KIAA1328: variants seen among roughly 807,000 people sequenced by gnomAD.
KIAA1328 encodes the protein KIAA1328, also known as protein hinderin.
A neutral mutation model predicts 68.1 loss-of-function variants in KIAA1328; 52 were observed. The ratio of observed to expected loss-of-function variants is 0.76; its 90% CI spans 0.61 to 0.96. The LOEUF (loss-of-function observed/expected upper bound fraction) is 0.96, where lower values mean the gene tolerates loss of function less well. Ranked by LOEUF, KIAA1328 falls within the 40% of genes least tolerant of loss-of-function variation. The pLI, the probability that KIAA1328 is intolerant of heterozygous loss-of-function variation, is 0.00. For missense variants in KIAA1328, 641 were observed against 677.6 expected (o/e 0.95, Z 0.60); for synonymous variants, 232 against 239.4 (o/e 0.97, Z 0.28).
At chr18:36,883,898 A>ACCAAAT (rs2048401832) in intron 4 of KIAA1328, among the ~76,000 whole-genome samples, 1 of 148,454 alleles carries the variant, frequency 6.7e-6, no homozygotes, top group Non-Finnish European at 1.5e-5. Flanking sequence ...TTGTTCCGTG[A>ACCAAAT]CCAAATGTTT....
rs528690475 is a variant in KIAA1328 at position 37,047,849 on chromosome 18, C to G, written c.577-19041C>G. On this transcript the variant is annotated intron_variant, in intron 6 of 9. Coordinates refer to ENST00000280020, the MANE Select transcript of KIAA1328 (RefSeq NM_020776.3). Reference sequence around the variant, plus strand: ...GCCTGGCACCTAGCACAGTATCCGGCAGATACTTTCAGATCCCCATCCTGC... The same window carrying G: ...GCCTGGCACCTAGCACAGTATCCGGGAGATACTTTCAGATCCCCATCCTGC... Among the ~76,000 whole-genome samples the G allele has an allele frequency of 2.6e-5, 4 of 152,246 alleles. No homozygotes were observed. The East Asian group carries it at 7.7e-4, about 29-fold the overall frequency.
intron 3 of KIAA1328, among the ~76,000 whole-genome samples, chr18:36,836,927 T>C (rs1236116943): frequency 6.6e-6 from 1 of 152,164 alleles, no homozygotes; most frequent in Non-Finnish European, 1.5e-5. Context: ...TTTAGCATAA[T>C]GATTTCAAGG....
intron 5 of KIAA1328, among the ~76,000 whole-genome samples, chr18:36,928,852 A>C (rs977708265): frequency 2.0e-5 from 3 of 152,062 alleles, no homozygotes; most frequent in African/African-American, 7.2e-5. Context: ...TGAAAATCCA[A>C]CTATATGTTT....
intron 6 of KIAA1328, among the ~76,000 whole-genome samples, chr18:37,036,226 T>C (rs762555372): frequency 4.6e-5 from 7 of 152,246 alleles, no homozygotes; most frequent in Non-Finnish European, 1.0e-4. Context: ...TTCTGGAGCA[T>C]TGAAAGGTAA....
At chr18:36,906,414 G>T (rs149434473) in intron 5 of KIAA1328, among the ~76,000 whole-genome samples, 1 of 152,070 alleles carries the variant, frequency 6.6e-6, no homozygotes, top group Non-Finnish European at 1.5e-5. Flanking sequence ...TTTGCCTTTT[G>T]CAGAATGCTA....
chr18:36,859,138 T>A (rs2047475533), intron 4 of KIAA1328, among the ~76,000 whole-genome samples: 1 of 152,132 alleles, frequency 6.6e-6, no homozygotes, highest in Non-Finnish European at 1.5e-5. Context: ...CATGCCAATA[T>A]TAAACTATTT....
chr18:37,065,860 G>A (rs2056320342), intron 6 of KIAA1328, among the ~76,000 whole-genome samples: 1 of 152,256 alleles, frequency 6.6e-6, no homozygotes, highest in Admixed American at 6.5e-5. Context: ...GTGAAGAAAA[G>A]CTGCTTAGTT....
At chr18:37,063,796 A>G (rs2056242969) in intron 6 of KIAA1328, among the ~76,000 whole-genome samples, 1 of 152,232 alleles carries the variant, frequency 6.6e-6, no homozygotes, top group African/African-American at 2.4e-5. Flanking sequence ...AAGTAAGTGT[A>G]GAATATGTCA....
intron 9 of KIAA1328, among the ~76,000 whole-genome samples, chr18:37,194,023 T>G (rs758218102): frequency 3.9e-5 from 6 of 152,214 alleles, no homozygotes; most frequent in Non-Finnish European, 8.8e-5. Flanking sequence ...TCGACTAGAA[T>G]GGATATTTGA....
intron 6 of KIAA1328, among the ~76,000 whole-genome samples, chr18:36,969,973 C>T (rs935706439): frequency 3.9e-5 from 6 of 152,184 alleles, no homozygotes; most frequent in African/African-American, 1.4e-4. Flanking sequence ...CAGCATCATC[C>T]TGATACCAAA....
intron 6 of KIAA1328, among the ~76,000 whole-genome samples, chr18:36,968,288 C>T (rs549880145): frequency 1.2e-4 from 19 of 152,162 alleles, no homozygotes; most frequent in Admixed American, 3.3e-4. Context: ...TGAATGTAAA[C>T]GAGCTAAATA....
intron 5 of KIAA1328, among the ~76,000 whole-genome samples, chr18:36,896,907 T>C (rs1423799578): frequency 6.6e-6 from 1 of 152,156 alleles, no homozygotes; most frequent in African/African-American, 2.4e-5. Flanking sequence ...GTGACTTTAT[T>C]ATTAATCAGT....
intron 7 of KIAA1328, among the ~76,000 whole-genome samples, chr18:37,075,978 C>T (rs1157287165): frequency 4.5e-4 from 69 of 151,858 alleles, no homozygotes; most frequent in African/African-American, 1.5e-3. Flanking sequence ...CTGCACCAAG[C>T]GGACCTAATA....
intron 5 of KIAA1328, among the ~76,000 whole-genome samples, chr18:36,891,905 G>A (rs1322559894): frequency 6.6e-6 from 1 of 152,180 alleles, no homozygotes; most frequent in African/African-American, 2.4e-5. Context: ...AAAGGAACTA[G>A]CCTTAATCTT....
chr18:37,016,207 G>A (rs928885039), intron 6 of KIAA1328, among the ~76,000 whole-genome samples: 1 of 152,146 alleles, frequency 6.6e-6, no homozygotes. Context: ...TTATCATGGA[G>A]TGATGTTGGA....
intron 7 of KIAA1328, among the ~76,000 whole-genome samples, chr18:37,132,290 AC>A (rs1241624477): frequency 6.6e-5 from 10 of 152,160 alleles, no homozygotes; most frequent in Non-Finnish European, 1.3e-4. Flanking sequence ...TCTACATGTT[AC>A]TTTATCAGCT....
intron 7 of KIAA1328, among the ~76,000 whole-genome samples, chr18:37,140,082 A>G (rs1272364882): frequency 6.6e-6 from 1 of 152,192 alleles, no homozygotes; most frequent in Non-Finnish European, 1.5e-5. Flanking sequence ...AATAATTAGA[A>G]CAAATTAAAG....
intron 4 of KIAA1328, among the ~76,000 whole-genome samples, chr18:36,884,987 A>G (rs1288398094): frequency 1.3e-5 from 2 of 151,972 alleles, no homozygotes; most frequent in Non-Finnish European, 2.9e-5. Context: ...TTTTTGGACT[A>G]AGAATACATG....
chr18:37,137,982 C>CTT (rs1311505196), intron 7 of KIAA1328, among the ~76,000 whole-genome samples: 3 of 152,156 alleles, frequency 2.0e-5, no homozygotes, highest in Non-Finnish European at 4.4e-5. Flanking sequence ...CCCTGACCTA[C>CTT]TTTTTCTCTA....
Sources: gnomAD v4.1 joint callset for allele counts (sites outside exome capture counted in the v4.1 genomes callset) on GRCh38, gnomAD v4.1.1 for gene constraint, MANE v1.5 for transcripts, NCBI Gene and HGNC (gene_info 2026-07-23, HGNC 2026-07-21) for gene names.